Variants in ATRN observed in about 807,000 individuals in gnomAD.
ATRN encodes attractin-2.
In ATRN, 54 loss-of-function variants were observed where a neutral mutation model predicts 178.7. The observed-to-expected ratio is 0.30, with a 90% CI of 0.24 to 0.38. The LOEUF (loss-of-function observed/expected upper bound fraction) is 0.38, where lower values mean the gene tolerates loss of function less well. ATRN is among the 10% of genes least tolerant of loss of function. ATRN has a pLI of 1.00. For synonymous variants in ATRN, 636 were observed against 663.0 expected, an observed-to-expected ratio of 0.96 and a Z score of 0.63; for missense variants, 1,443 against 1,815.1, an observed-to-expected ratio of 0.79 and a Z score of 3.73.
chr20:3,565,124 G>A (rs1193411898), intron 10 of ATRN, among the ~76,000 whole-genome samples: 1 of 152,092 alleles, frequency 6.6e-6, no homozygotes, highest in African/African-American at 2.4e-5. Flanking sequence ...CATGGATTTC[G>A]GGTGCGTTTG....
At chr20:3,563,146 CA>C in intron 9 of ATRN, 62 bp from the exon 10 acceptor site, 1 of 1,418,238 alleles carries the variant, frequency 7.1e-7, no homozygotes. Flanking sequence ...CTTGCATTAG[CA>C]GATACATAAA....
intron 1 of ATRN, among the ~76,000 whole-genome samples, chr20:3,504,040 TG>T (rs1371172299): frequency 1.3e-5 from 2 of 152,166 alleles, no homozygotes; most frequent in Non-Finnish European, 1.5e-5. Context: ...GGAGGCCATC[TG>T]AAATGTTACA....
At chr20:3,615,899 G>T (rs937932717) in intron 24 of ATRN, 8 of 444,048 alleles carry the variant, frequency 1.8e-5, no homozygotes, top group Non-Finnish European at 3.2e-5. Flanking sequence ...GTTGTGGGGT[G>T]GGGGGAAGGG....
intron 1 of ATRN, among the ~76,000 whole-genome samples, chr20:3,501,314 T>C (rs2084961433): frequency 6.6e-6 from 1 of 152,194 alleles, no homozygotes; most frequent in Non-Finnish European, 1.5e-5. Flanking sequence ...TGAAAATGTA[T>C]TTTCTGTTTT....
chr20:3,499,788 T>A (rs1289487827), intron 1 of ATRN, among the ~76,000 whole-genome samples: 4 of 150,608 alleles, frequency 2.7e-5, no homozygotes, highest in African/African-American at 7.4e-5. Flanking sequence ...GGACTTCATC[T>A]CTAAAACACC....
chr20:3,581,709 C>G (rs985897106), intron 15 of ATRN, among the ~76,000 whole-genome samples: 1 of 152,130 alleles, frequency 6.6e-6, no homozygotes, highest in African/African-American at 2.4e-5. Context: ...TTGGGGGTAG[C>G]CATCTCTTCA....
chr20:3,552,739 T>C (rs909098683), intron 6 of ATRN, among the ~76,000 whole-genome samples: 1 of 152,180 alleles, frequency 6.6e-6, no homozygotes, highest in African/African-American at 2.4e-5. Context: ...CTTGTAGTTA[T>C]AGAACCGAGG....
chr20:3,472,343 GA>G (rs200290214), intron 1 of ATRN, among the ~76,000 whole-genome samples: 6,013 of 152,294 alleles, frequency 0.039, 152 homozygotes, highest in Non-Finnish European at 0.057. Context: ...TATAGCAAGA[GA>G]AAGATAATGT....
At chr20:3,478,824 A>G (rs914558402) in intron 1 of ATRN, among the ~76,000 whole-genome samples, 4 of 151,856 alleles carry the variant, frequency 2.6e-5, no homozygotes, top group Admixed American at 6.6e-5. Flanking sequence ...GTGTTTGCTA[A>G]ATTCAGCACC....
chr20:3,563,481 C>A, intron 10 of ATRN, 118 bp downstream of exon 10: 2 of 1,018,660 alleles, frequency 2.0e-6, no homozygotes, highest in Non-Finnish European at 2.8e-6. Flanking sequence ...TGAAAGAGGT[C>A]CAAATGGTAT....
chr20:3,498,069 C>G (rs1237666311), intron 1 of ATRN, among the ~76,000 whole-genome samples: 1 of 152,162 alleles, frequency 6.6e-6, no homozygotes, highest in Non-Finnish European at 1.5e-5. Flanking sequence ...CGCAAATAAA[C>G]TAGAAAATCT....
intron 1 of ATRN, among the ~76,000 whole-genome samples, chr20:3,474,484 T>A (rs1358669821): frequency 7.0e-6 from 1 of 143,102 alleles, no homozygotes; most frequent in African/African-American, 2.6e-5. Flanking sequence ...CGAGGCGGTG[T>A]ATCACGAGGT....
intron 1 of ATRN, among the ~76,000 whole-genome samples, chr20:3,480,004 A>G (rs1392216861): frequency 6.6e-6 from 1 of 152,164 alleles, no homozygotes; most frequent in Non-Finnish European, 1.5e-5. Context: ...ACTTTGACAT[A>G]TCTTTTTGGG....
intron 26 of ATRN, among the ~76,000 whole-genome samples, chr20:3,637,713 G>C (rs914260920): frequency 6.6e-6 from 1 of 152,138 alleles, no homozygotes; most frequent in Non-Finnish European, 1.5e-5. Flanking sequence ...TTTGATCCCA[G>C]TGACAACCTT....
chr20:3,591,409 T>G, intron 19 of ATRN, 103 bp downstream of exon 19: 1 of 1,367,624 alleles, frequency 7.3e-7, no homozygotes, highest in South Asian at 1.4e-5. Context: ...TTGTTTTGGA[T>G]ACCACATTTC....
intron 6 of ATRN, 96 bp downstream of exon 6, chr20:3,549,434 C>A: frequency 2.8e-6 from 3 of 1,084,266 alleles, no homozygotes; most frequent in Non-Finnish European, 2.5e-6. Flanking sequence ...AGTCATTCTA[C>A]TACCTAAAGA....
chr20:3,571,047 C>T (rs2086116044), intron 11 of ATRN, among the ~76,000 whole-genome samples: 4 of 152,212 alleles, frequency 2.6e-5, no homozygotes, highest in Admixed American at 2.0e-4. Context: ...TTTTCCCCCA[C>T]ATAGCAGTAT....
intron 24 of ATRN, among the ~76,000 whole-genome samples, chr20:3,608,951 A>C (rs1335610033): frequency 2.0e-5 from 3 of 148,374 alleles, no homozygotes; most frequent in Admixed American, 6.8e-5. Flanking sequence ...TGGGCAAACA[A>C]AGCGAGACTC....
At chr20:3,608,978 A>G (rs28835349) in intron 24 of ATRN, among the ~76,000 whole-genome samples, 552 of 54,648 alleles carry the variant, frequency 0.01, no homozygotes, top group Non-Finnish European at 0.014. Context: ...AAAAAAAAAA[A>G]GAAAAAAAAA....
Sources: gnomAD v4.1 joint callset for allele counts (sites outside exome capture counted in the v4.1 genomes callset) on GRCh38, gnomAD v4.1.1 for gene constraint, MANE v1.5 for transcripts, NCBI Gene and HGNC (gene_info 2026-07-23, HGNC 2026-07-21) for gene names.